Variants in TDP2 observed in about 807,000 individuals in gnomAD.
TDP2 encodes 5'-Tyr-DNA phosphodiesterase.
TDP2 carries 38 observed loss-of-function variants against 42.8 expected under a neutral mutation model. That is an observed-to-expected ratio of 0.89 (90% CI 0.68 to 1.16). The LOEUF is 1.16. TDP2 is among the 50% of genes most tolerant of loss of function. The pLI is 0.00. For synonymous variants in TDP2, 173 were observed against 150.6 expected (o/e 1.15, Z -1.09); for missense variants, 439 against 439.3 (o/e 1.00, Z 0.01).
intron 5 of TDP2, among the ~76,000 whole-genome samples, chr6:24,653,374 C>A (rs1778004252): frequency 6.6e-6 from 1 of 152,202 alleles, no homozygotes; most frequent in Non-Finnish European, 1.5e-5. Context: ...CCAGATGTCA[C>A]CTCCACTGTG....
At chr6:24,652,008 T>C (rs1777983732) in intron 6 of TDP2, among the ~76,000 whole-genome samples, 1 of 152,192 alleles carries the variant, frequency 6.6e-6, no homozygotes, top group South Asian at 2.1e-4. Context: ...TCTGTACCCA[T>C]TAAACACCAA....
chr6:24,665,090 GA>G (rs1436373262), intron 2 of TDP2, among the ~76,000 whole-genome samples: 4 of 152,324 alleles, frequency 2.6e-5, no homozygotes, highest in Non-Finnish European at 5.9e-5. Flanking sequence ...GCCTGGTACA[GA>G]AATACAGCCA....
At position 24,653,018 on chromosome 6, in the gene TDP2, T is replaced by C. The variant is rs1396365352; in HGVS notation, c.772A>G (p.Ile258Val). 2.5e-6 allele frequency: 4 copies of C among 1,613,986 alleles called. No individual in the cohort carries two copies. The highest frequency in any genetic ancestry group is 3.4e-6 in the Non-Finnish European group (4 of 1,180,030). The change falls in exon 6 of 7, where the codon ATA (isoleucine) becomes GTA (valine). Residue 258 changes from isoleucine to valine, a missense_variant. Ile to Val is a conservative substitution (Grantham distance 29). Transcript: ENST00000378198. The stretch of plus-strand genomic sequence containing the variant: ...CTTAGATTTGTATCTCCTGCAAATA[T>C]AACTGTAGCTGACTCTGGAGCCTCT... Reference protein sequence around the residue: ...MQEAPESATVIFAGDTNLRDR... With the variant: ...MQEAPESATVVFAGDTNLRDR...
At chr6:24,654,038 G>A (rs9295629) in intron 5 of TDP2, among the ~76,000 whole-genome samples, 5,916 of 152,128 alleles carry the variant, frequency 0.039, 316 homozygotes, top group African/African-American at 0.12. Flanking sequence ...TTATGTTTTA[G>A]TTACTATATA....
rs140355661 is a variant in TDP2 at position 24,656,994 on chromosome 6, A to T, written c.517+818T>A. On this transcript the variant is annotated intron_variant, in intron 4 of 6. Coordinates refer to ENST00000378198, the MANE Select transcript of TDP2 (RefSeq NM_016614.3). ...CAGACTGAGAGAGAACCCTCTCCTT[A>T]GAAATTCTCGATTAAGGAGTCGATT... Among the ~76,000 whole-genome samples, 186 of 152,342 alleles carry T rather than the reference A, an allele frequency of 1.2e-3. 1 individual carries two copies. The highest frequency in any genetic ancestry group is 4.3e-3 in the African/African-American group (178 of 41,572).
chr6:24,666,366 CGCA>C, intron 2 of TDP2, 157 bp downstream of exon 2: 5 of 1,436,602 alleles, frequency 3.5e-6, no homozygotes, highest in Non-Finnish European at 4.8e-6. Context: ...CGCAACTCCG[CGCA>C]GCAGCAGCAA....
intron 2 of TDP2, among the ~76,000 whole-genome samples, chr6:24,665,524 A>C (rs1582426819): frequency 6.6e-6 from 1 of 152,384 alleles, no homozygotes; most frequent in East Asian, 1.9e-4. Context: ...TAAAGTCTCC[A>C]CTATGAACAG....
chr6:24,666,258 T>G, intron 2 of TDP2: 3 of 1,544,530 alleles, frequency 1.9e-6, no homozygotes, highest in Non-Finnish European at 2.6e-6. Context: ...TTATTTCCTT[T>G]CATTTGAGTT....
chr6:24,657,193 T>C (rs1199218698), intron 4 of TDP2, among the ~76,000 whole-genome samples: 1 of 152,172 alleles, frequency 6.6e-6, no homozygotes, highest in African/African-American at 2.4e-5. Flanking sequence ...AAATACAGTC[T>C]TCCCAGGACA....
At chr6:24,663,984 T>C (rs1322021226) in intron 2 of TDP2, among the ~76,000 whole-genome samples, 2 of 152,180 alleles carry the variant, frequency 1.3e-5, no homozygotes, top group African/African-American at 2.4e-5. Flanking sequence ...CTCTAAAACG[T>C]TGCTGTACAG....
At chr6:24,657,499 G>C (rs1778076104) in intron 4 of TDP2, among the ~76,000 whole-genome samples, 2 of 124,668 alleles carry the variant, frequency 1.6e-5, no homozygotes, top group Admixed American at 1.5e-4. Context: ...TTTTGAAAAA[G>C]CATAATAACC....
At chr6:24,651,368 T>C (rs1212701319) in intron 6 of TDP2, among the ~76,000 whole-genome samples, 1 of 152,188 alleles carries the variant, frequency 6.6e-6, no homozygotes. Flanking sequence ...ACTGCTGTTA[T>C]CTGTTTTCAA....
At chr6:24,651,980 A>G (rs1777983220) in intron 6 of TDP2, among the ~76,000 whole-genome samples, 1 of 143,172 alleles carries the variant, frequency 7.0e-6, no homozygotes, top group Admixed American at 6.9e-5. Flanking sequence ...GAACCTTTTA[A>G]TCTTCCCCAA....
chr6:24,651,155 T>C (rs1424664295), intron 6 of TDP2, 86 bp from the exon 7 acceptor site: 24 of 1,113,888 alleles, frequency 2.2e-5, no homozygotes, highest in South Asian at 6.4e-5. Context: ...GTTTTTGCTA[T>C]TACCGTGCAA....
chr6:24,658,580 C>A lies in TDP2; in HGVS notation c.406G>T (p.Val136Leu), dbSNP rs754787459. The A allele has an allele frequency of 1.4e-5, 23 of 1,611,750 alleles. No individual in the cohort carries two copies. The highest frequency in any genetic ancestry group is 2.2e-5 in the South Asian group (2 of 90,670). The change falls in exon 3 of 7, where the codon GTG becomes TTG. Residue 136 changes from valine to leucine, a missense_variant. Coordinates refer to ENST00000378198, the MANE Select transcript of TDP2 (RefSeq NM_016614.3). ...LNNLSERARGVCSYLALYSPD... is the reference protein window; with the variant it reads ...LNNLSERARGLCSYLALYSPD... ...ACTTACAAAGCTAAGTAGGAACACA[C>A]CCCTCGAGCCCTCTCTGACAGATTG...
chr6:24,661,571 A>T (rs1022412950), intron 2 of TDP2, among the ~76,000 whole-genome samples: 23 of 152,172 alleles, frequency 1.5e-4, no homozygotes, highest in African/African-American at 5.3e-4. Context: ...ATTCTATGAA[A>T]TCAGTCATTT....
chr6:24,654,363 T>A (rs776842541), intron 5 of TDP2, 49 bp downstream of exon 5: 1 of 1,004,836 alleles, frequency 1.0e-6, no homozygotes, highest in Middle Eastern at 2.5e-4. Flanking sequence ...CACAAAACTA[T>A]GAAAAAATCT....
At chr6:24,665,839 G>C in intron 2 of TDP2, 1 of 342,656 alleles carries the variant, frequency 2.9e-6, no homozygotes, top group Non-Finnish European at 5.2e-6. Context: ...TCTCAGCTTG[G>C]GGCTTTAAGA....
rs199602263 is a variant in TDP2 at position 24,650,829 on chromosome 6, C to T, written c.1048G>A (p.Asp350Asn). 6.2e-7 allele frequency: 1 copy of T among 1,614,100 alleles called. No individual in the cohort carries two copies. Among genetic ancestry groups the T allele is most frequent in the East Asian group, 2.2e-5 (1 of 44,874 alleles). ...EKLDCGRFPSDHWGLLCNLDI... is the reference protein window; with the variant it reads ...EKLDCGRFPSNHWGLLCNLDI... The stretch of plus-strand genomic sequence containing the variant: ...AAGTTGCACAGAAGACCCCAGTGAT[C>T]ACTAGGAAATCTACCACAGTCCAGT... Residue 350 changes from aspartate to asparagine, a missense_variant, in exon 7 of 7, where the codon GAT becomes AAT. Coordinates refer to ENST00000378198, the MANE Select transcript of TDP2 (RefSeq NM_016614.3).
Sources: gnomAD v4.1 joint callset for allele counts (sites outside exome capture counted in the v4.1 genomes callset) on GRCh38, gnomAD v4.1.1 for gene constraint, MANE v1.5 for transcripts, NCBI Gene and HGNC (gene_info 2026-07-23, HGNC 2026-07-21) for gene names.